PPARGC1A: variants seen among roughly 807,000 people sequenced by gnomAD.
The protein encoded by PPARGC1A is PPARG coactivator 1 alpha.
Under a neutral mutation model 88.7 loss-of-function variants are expected in PPARGC1A, and 25 were observed. The observed-to-expected ratio is 0.28, with a 90% CI of 0.21 to 0.39. The LOEUF is 0.39. Among genes scored for constraint, PPARGC1A ranks in the 10% least tolerant of loss-of-function variants. PPARGC1A has a pLI of 1.00. For synonymous variants in PPARGC1A, 363 were observed against 355.6 expected, an observed-to-expected ratio of 1.02 and a Z score of -0.24; for missense variants, 880 against 968.7, an observed-to-expected ratio of 0.91 and a Z score of 1.22.
At chr4:23,891,392 T>C (rs1312026944), upstream of PPARGC1A, among the ~76,000 whole-genome samples, 4 of 152,252 alleles carry the variant, frequency 2.6e-5, no homozygotes, top group Admixed American at 1.3e-4. Flanking sequence ...TACCTAAATA[T>C]AATTTGTAAA....
the PPARGC1A span, among the ~76,000 whole-genome samples, chr4:24,156,289 G>C: frequency 6.6e-6 from 1 of 151,994 alleles, no homozygotes; most frequent in African/African-American, 2.4e-5. Flanking sequence ...ATCCACCCCC[G>C]GGTGTTTCTC....
chr4:24,272,849 G>A, the PPARGC1A span, among the ~76,000 whole-genome samples: 1 of 152,208 alleles, frequency 6.6e-6, no homozygotes, highest in Non-Finnish European at 1.5e-5. Flanking sequence ...TCCTCTGTAA[G>A]GGAAAGCTGT....
chr4:24,052,244 C>T, the PPARGC1A span, among the ~76,000 whole-genome samples: 14 of 152,060 alleles, frequency 9.2e-5, no homozygotes, highest in African/African-American at 3.1e-4. Flanking sequence ...AATGAATACA[C>T]GTAAGAATGA....
the PPARGC1A span, among the ~76,000 whole-genome samples, chr4:24,276,944 T>C: frequency 2.0e-5 from 3 of 152,146 alleles, no homozygotes; most frequent in African/African-American, 7.2e-5. Flanking sequence ...GTCAGGCACC[T>C]CAGCTCCATG....
the PPARGC1A span, among the ~76,000 whole-genome samples, chr4:24,387,790 A>G: frequency 0.028 from 2,822 of 99,768 alleles, 128 homozygotes; most frequent in African/African-American, 0.065. Context: ...GAAAGAAAGA[A>G]AGAAAGAAAG....
At chr4:24,292,636 C>T in the PPARGC1A span, among the ~76,000 whole-genome samples, 13,777 of 67,168 alleles carry the variant, frequency 0.21, 2,397 homozygotes, top group Admixed American at 0.3. Context: ...TTCTCCATAC[C>T]CCCTCACCCC....
chr4:24,421,245 T>C, the PPARGC1A span, among the ~76,000 whole-genome samples: 1 of 152,070 alleles, frequency 6.6e-6, no homozygotes, highest in Non-Finnish European at 1.5e-5. Context: ...CCAAATATTG[T>C]ATGGGATATA....
chr4:23,827,612 AAG>A (rs1404304832), intron 5 of PPARGC1A, among the ~76,000 whole-genome samples: 4 of 152,150 alleles, frequency 2.6e-5, no homozygotes, highest in Non-Finnish European at 1.5e-5. Flanking sequence ...TATCTCTGCC[AAG>A]AGAGGTTTTC....
intron 2 of PPARGC1A, among the ~76,000 whole-genome samples, chr4:23,848,144 TAAGG>T (rs1430365162): frequency 6.6e-6 from 1 of 152,194 alleles, no homozygotes; most frequent in Non-Finnish European, 1.5e-5. Flanking sequence ...TTATGTGCTT[TAAGG>T]AAGAGTTAAG....
At chr4:24,113,882 G>A in the PPARGC1A span, among the ~76,000 whole-genome samples, 1 of 152,052 alleles carries the variant, frequency 6.6e-6, no homozygotes. Context: ...CCAGCACTTT[G>A]GGAGACCTAG....
At chr4:24,043,972 C>T in the PPARGC1A span, among the ~76,000 whole-genome samples, 1 of 152,108 alleles carries the variant, frequency 6.6e-6, no homozygotes, top group African/African-American at 2.4e-5. Flanking sequence ...AAGAAAGAGC[C>T]AGTGGTTTTG....
chr4:24,405,440 C>A, the PPARGC1A span, among the ~76,000 whole-genome samples: 1 of 152,102 alleles, frequency 6.6e-6, no homozygotes, highest in African/African-American at 2.4e-5. Context: ...AGCTATTCTG[C>A]TAGAAGGAAT....
chr4:24,324,101 A>C, the PPARGC1A span, among the ~76,000 whole-genome samples: 3 of 152,170 alleles, frequency 2.0e-5, no homozygotes, highest in Non-Finnish European at 4.4e-5. Flanking sequence ...CGCCTCTGTG[A>C]TTATACACCC....
chr4:24,433,935 G>T, the PPARGC1A span, among the ~76,000 whole-genome samples: 3 of 152,132 alleles, frequency 2.0e-5, no homozygotes, highest in Non-Finnish European at 4.4e-5. Context: ...CACAAGCCTC[G>T]CTGGCCGCCA....
At chr4:24,091,384 T>C in the PPARGC1A span, 70 of 928,416 alleles carry the variant, frequency 7.5e-5, no homozygotes, top group Non-Finnish European at 8.5e-5. Context: ...GTTCCACAAA[T>C]TGATGTACGC....
chr4:23,873,220 AAAATAAAG>A (rs1713931513), intron 2 of PPARGC1A, among the ~76,000 whole-genome samples: 3 of 144,300 alleles, frequency 2.1e-5, no homozygotes, highest in East Asian at 2.0e-4. Context: ...TAAAAAATAA[AAAATAAAG>A]AAAAAAATGT....
At chr4:24,237,660 A>G in the PPARGC1A span, among the ~76,000 whole-genome samples, 3 of 151,942 alleles carry the variant, frequency 2.0e-5, no homozygotes, top group Non-Finnish European at 4.4e-5. Context: ...CTCTCTCTCT[A>G]CCCACTTCAT....
At chr4:24,024,083 C>T in the PPARGC1A span, among the ~76,000 whole-genome samples, 570 of 152,234 alleles carry the variant, frequency 3.7e-3, 4 homozygotes, top group African/African-American at 0.013. Flanking sequence ...CCCACATGTA[C>T]CAGGAAGACT....
At chr4:23,994,138 G>A in the PPARGC1A span, among the ~76,000 whole-genome samples, 1 of 152,134 alleles carries the variant, frequency 6.6e-6, no homozygotes, top group Non-Finnish European at 1.5e-5. Context: ...TCATGTCCAA[G>A]CAAAGGCTCT....
Sources: gnomAD v4.1 joint callset for allele counts (sites outside exome capture counted in the v4.1 genomes callset) on GRCh38, gnomAD v4.1.1 for gene constraint, MANE v1.5 for transcripts, NCBI Gene and HGNC (gene_info 2026-07-23, HGNC 2026-07-21) for gene names.